SUSD5: variants seen among roughly 807,000 people sequenced by gnomAD.
SUSD5 encodes sushi domain-containing protein 5.
In SUSD5, 33 loss-of-function variants were observed where a neutral mutation model predicts 29.5. That is an observed-to-expected ratio of 1.12 (90% CI 0.85 to 1.49). SUSD5 has a LOEUF of 1.49. SUSD5 is among the 40% of genes most tolerant of loss of function. The pLI, the probability that SUSD5 is intolerant of heterozygous loss-of-function variation, is 0.00. For synonymous variants in SUSD5, 308 were observed against 325.3 expected, an observed-to-expected ratio of 0.95 and a Z score of 0.57; for missense variants, 776 against 800.6, an observed-to-expected ratio of 0.97 and a Z score of 0.37.
In SUSD5 at chr3:33,192,215, A is replaced by T. The variant is rs1370273928; in HGVS notation, c.409+15593T>A. ...CAGCCTTCCAAGTAGCTGGGACTAC[A>T]GGCATGCGCCACCACATCCAGCTAA... is the stretch of plus-strand genomic sequence containing the variant. On this transcript the variant is annotated intron_variant, in intron 3 of 4. Coordinates refer to ENST00000309558, the MANE Select transcript of SUSD5 (RefSeq NM_015551.2). 6.0e-5 allele frequency among the ~76,000 whole-genome samples: 9 copies of T among 150,918 alleles called. No individual in the cohort carries two copies. In the South Asian group the frequency reaches 1.9e-3, roughly 32 times the overall value.
At chr3:33,202,632 GA>G (rs1559455699) in intron 3 of SUSD5, among the ~76,000 whole-genome samples, 1 of 152,120 alleles carries the variant, frequency 6.6e-6, no homozygotes, top group Admixed American at 6.5e-5. Context: ...AAAGCCTCCA[GA>G]CCCCAAGCTG....
chr3:33,208,159 T>C (rs1455248239), intron 2 of SUSD5, among the ~76,000 whole-genome samples: 1 of 152,162 alleles, frequency 6.6e-6, no homozygotes, highest in Non-Finnish European at 1.5e-5. Context: ...AGGCAATATA[T>C]TGTTGATCTC....
Position 33,150,317 on chromosome 3 carries a change from T to A in SUSD5, c.*2425A>T, listed in dbSNP as rs2030839766. 1 of 152,128 alleles carries A rather than the reference T, an allele frequency of 6.6e-6. No individual in the cohort carries two copies. Among genetic ancestry groups the A allele is most frequent in the South Asian group, 2.1e-4 (1 of 4,832 alleles). 9.4% of individuals were successfully genotyped at this position (152,128 alleles called of 1,614,324 possible). On this transcript the variant is annotated 3_prime_UTR_variant, in exon 5 of 5. Coordinates refer to ENST00000309558, the MANE Select transcript of SUSD5 (RefSeq NM_015551.2). ...CAAATAAAACATTTACCTGTATTAA[T>A]AATTTGTAATAAATTTATTAATACA...
chr3:33,189,393 C>T (rs1371145408), intron 3 of SUSD5, among the ~76,000 whole-genome samples: 1 of 146,892 alleles, frequency 6.8e-6, no homozygotes, highest in Non-Finnish European at 1.5e-5. Flanking sequence ...AGGAGAATCG[C>T]TTGAACCCGG....
chr3:33,195,849 T>C (rs2031985497), intron 3 of SUSD5, among the ~76,000 whole-genome samples: 1 of 152,096 alleles, frequency 6.6e-6, no homozygotes, highest in Non-Finnish European at 1.5e-5. Context: ...GCTAAAATAC[T>C]TGTATTAGGG....
At chr3:33,200,213 G>A (rs1179766058) in intron 3 of SUSD5, among the ~76,000 whole-genome samples, 1 of 152,140 alleles carries the variant, frequency 6.6e-6, no homozygotes, top group East Asian at 1.9e-4. Context: ...TGTGAATTGG[G>A]AACTGGGTCC....
chr3:33,206,613 G>A (rs1211299853), intron 3 of SUSD5, among the ~76,000 whole-genome samples: 1 of 151,904 alleles, frequency 6.6e-6, no homozygotes, highest in African/African-American at 2.4e-5. Context: ...TCCTAGAGAG[G>A]GACCCCAGAG....
Position 33,207,847 on chromosome 3 carries a change from G to C in SUSD5, c.370C>G (p.Pro124Ala). ...VDVRIESNPV[P>A]GGTYSALCIK... Reference sequence around the variant, plus strand: ...CAAAGGGCACTGTATGTGCCACCAGGAACTGGGTTGCTCTCAATTCTCACA... The same window carrying C: ...CAAAGGGCACTGTATGTGCCACCAGCAACTGGGTTGCTCTCAATTCTCACA... The change falls in exon 3 of 5, where the codon CCT (proline) becomes GCT (alanine). Residue 124 changes from proline to alanine, a missense_variant. Transcript: ENST00000309558. 6.2e-7 allele frequency: 1 copy of C among 1,613,886 alleles called. No homozygotes were observed. Among genetic ancestry groups the C allele is most frequent in the Non-Finnish European group, 8.5e-7 (1 of 1,179,850 alleles).
At chr3:33,199,401 G>A (rs998266332) in intron 3 of SUSD5, among the ~76,000 whole-genome samples, 1 of 152,150 alleles carries the variant, frequency 6.6e-6, no homozygotes, top group Non-Finnish European at 1.5e-5. Flanking sequence ...AGCCTCCTGA[G>A]TAGCTGGGAC....
In SUSD5 at chr3:33,150,075, A is replaced by G. The variant is rs1575523660; in HGVS notation, c.*2667T>C. The G allele has an allele frequency of 6.6e-6, 1 of 152,282 alleles. No individual in the cohort carries two copies. The highest frequency in any genetic ancestry group is 1.5e-5 in the Non-Finnish European group (1 of 68,034). The allele number at this position is 152,282 out of a possible 1,614,324, so 9.4% of individuals were successfully genotyped here. On this transcript the variant is annotated 3_prime_UTR_variant, in exon 5 of 5. Transcript: ENST00000309558. The stretch of plus-strand genomic sequence containing the variant: ...AATAATTATTTATTTTAAATATCTC[A>G]GAAGCTTTGTGTTAATAGAACCCCC...
intron 2 of SUSD5, among the ~76,000 whole-genome samples, chr3:33,209,061 T>A (rs2032274686): frequency 6.6e-6 from 1 of 152,208 alleles, no homozygotes; most frequent in East Asian, 1.9e-4. Context: ...ACCTTTATTA[T>A]TGGGAGATAT....
intron 3 of SUSD5, among the ~76,000 whole-genome samples, chr3:33,203,865 T>G (rs1354609912): frequency 8.5e-6 from 1 of 117,184 alleles, no homozygotes; most frequent in East Asian, 2.7e-4. Flanking sequence ...TGTCTGCTGC[T>G]GTTGTTGTTT....
At chr3:33,205,365 A>T (rs903217068) in intron 3 of SUSD5, among the ~76,000 whole-genome samples, 6 of 152,124 alleles carry the variant, frequency 3.9e-5, no homozygotes, top group Non-Finnish European at 8.8e-5. Context: ...ACATTTTTTT[A>T]AAAAGAGTAG....
chr3:33,189,694 T>TA (rs2031852791), intron 3 of SUSD5, among the ~76,000 whole-genome samples: 1 of 152,148 alleles, frequency 6.6e-6, no homozygotes, highest in African/African-American at 2.4e-5. Context: ...TTTCAGTAAG[T>TA]AAAAAGAACC....
rs2032176689 is a variant in SUSD5 at position 33,204,487 on chromosome 3, A to AT, written c.409+3320dup. Among the ~76,000 whole-genome samples the AT allele has an allele frequency of 6.7e-6, 1 of 149,284 alleles. No homozygotes were observed. Reference sequence around the variant, plus strand: ...AGGTGCCCACTACCACACCCGGCTAATTTTTTTGTATTTTTAGTAGAGACA... The same window carrying AT: ...AGGTGCCCACTACCACACCCGGCTAATTTTTTTTGTATTTTTAGTAGAGACA... On this transcript the variant is annotated intron_variant, in intron 3 of 4. Coordinates refer to ENST00000309558, the MANE Select transcript of SUSD5 (RefSeq NM_015551.2). This position sits in a 1 kb window ranked among gnomAD's most constrained non-coding sequence, Gnocchi z 4.5.
rs1201697549 is a variant in SUSD5 at position 33,218,701 on chromosome 3, A to G, written c.97T>C (p.Ser33Pro). The G allele has an allele frequency of 1.5e-6, 2 of 1,312,556 alleles. No individual in the cohort carries two copies. The highest frequency in any genetic ancestry group is 1.9e-6 in the Non-Finnish European group (2 of 1,031,458). The allele number at this position is 1,312,556 out of a possible 1,614,324, so 81.3% of individuals were successfully genotyped here. A position where few individuals can be genotyped will look rare whatever the true frequency, so the allele number is the denominator to read the frequency against. The change falls in exon 1 of 5, where the codon TCG (serine) becomes CCG (proline). Residue 33 changes from serine to proline, a missense_variant. Transcript: ENST00000309558. ...ALLLLGLPRL[S>P]VRADGKFFVL... ...GCACACTCACCATCCGCCCGCACCG[A>G]AAGGCGCGGCAGACCGAGCAGGAGC... is the stretch of plus-strand genomic sequence containing the variant.
intron 4 of SUSD5, among the ~76,000 whole-genome samples, chr3:33,169,690 C>T (rs1310744800): frequency 3.3e-5 from 5 of 152,154 alleles, no homozygotes; most frequent in Non-Finnish European, 7.4e-5. Context: ...GTCTTGTTTC[C>T]ATGGCTGTGT....
chr3:33,181,523 C>T (rs2031673124), intron 3 of SUSD5, among the ~76,000 whole-genome samples: 2 of 151,894 alleles, frequency 1.3e-5, no homozygotes, highest in African/African-American at 4.8e-5. Flanking sequence ...AGAGCACGTG[C>T]CACCCTGCCT....
At chr3:33,186,258 C>CAT (rs1400341703) in intron 3 of SUSD5, among the ~76,000 whole-genome samples, 14 of 151,078 alleles carry the variant, frequency 9.3e-5, no homozygotes, top group Admixed American at 9.2e-4. Flanking sequence ...GCCGAGATTG[C>CAT]GCCACTGCAC....
Sources: allele counts gnomAD v4.1 joint callset (sites outside exome capture counted in the v4.1 genomes callset), GRCh38; gene constraint gnomAD v4.1.1; non-coding constraint Gnocchi (gnomAD v3.1); transcripts MANE v1.5; gene names NCBI Gene and HGNC (gene_info 2026-07-23, HGNC 2026-07-21).